The following CDH13 variants were observed in gnomAD, a reference collection of about 807,000 sequenced individuals.
The protein encoded by CDH13 is cadherin 13.
A neutral mutation model predicts 63.8 loss-of-function variants in CDH13; 24 were observed. The observed-to-expected ratio is 0.38, with a 90% CI of 0.27 to 0.53. The LOEUF is 0.53. Ranked by LOEUF, CDH13 falls within the 20% of genes least tolerant of loss-of-function variation. The probability of loss-of-function intolerance (pLI) is 0.85; values close to 1 mark genes in which losing one functional copy is unlikely to be tolerated. For synonymous variants in CDH13, 503 were observed against 355.3 expected (o/e 1.42, Z -4.67); for missense variants, 1,049 against 903.1 (o/e 1.16, Z -2.07).
chr16:82,678,062 T>C (rs1422785044), intron 1 of CDH13, among the ~76,000 whole-genome samples: 1 of 152,160 alleles, frequency 6.6e-6, no homozygotes, highest in East Asian at 1.9e-4. Context: ...ATAAAAAATA[T>C]GCATCTTCTG....
chr16:83,695,244 T>A (rs1905262658), intron 10 of CDH13, among the ~76,000 whole-genome samples: 1 of 152,174 alleles, frequency 6.6e-6, no homozygotes. Flanking sequence ...ATAAGCAAAA[T>A]ACCAGCTTTT....
intron 5 of CDH13, among the ~76,000 whole-genome samples, chr16:83,261,622 A>G (rs543875822): frequency 1.3e-5 from 2 of 152,194 alleles, no homozygotes; most frequent in African/African-American, 4.8e-5. Context: ...CAAAGAAATT[A>G]TCCAGTACAA....
At chr16:83,513,772 T>A (rs2074631382) in intron 7 of CDH13, among the ~76,000 whole-genome samples, 1 of 152,176 alleles carries the variant, frequency 6.6e-6, no homozygotes, top group Admixed American at 6.5e-5. Flanking sequence ...CAATTCAAGA[T>A]GAGATTTGGG....
In CDH13 at chr16:83,244,952, T is replaced by C. The variant is rs148177088; in HGVS notation, c.636+27455T>C. Among the ~76,000 whole-genome samples the C allele has an allele frequency of 2.3e-3, 352 of 152,154 alleles. 1 individual carries two copies. Among genetic ancestry groups the C allele is most frequent in the African/African-American group, 7.6e-3 (316 of 41,512 alleles). ...AAAACGGTGTTCAGCATAAGCCATA[T>C]CTATTTGTACGGTTTAGGCACGTTG... On this transcript the variant is annotated intron_variant, in intron 5 of 13. Coordinates refer to ENST00000567109, the MANE Select transcript of CDH13 (RefSeq NM_001257.5).
At chr16:83,656,381 G>A (rs1912869231) in intron 8 of CDH13, among the ~76,000 whole-genome samples, 1 of 152,318 alleles carries the variant, frequency 6.6e-6, no homozygotes, top group African/African-American at 2.4e-5. Flanking sequence ...ATCATGTTAA[G>A]TTTGAGGTGC....
chr16:83,302,316 A>G (rs2089768651), intron 5 of CDH13, among the ~76,000 whole-genome samples: 1 of 152,224 alleles, frequency 6.6e-6, no homozygotes, highest in South Asian at 2.1e-4. Context: ...GTAAAAGGGA[A>G]TGTAATACTG....
In CDH13 at chr16:83,510,933, C is replaced by T. The variant is rs116292348; in HGVS notation, c.960+24278C>T. Among the ~76,000 whole-genome samples the T allele has an allele frequency of 8.1e-3, 1,234 of 152,350 alleles. 23 individuals are homozygous for T. The highest frequency in any genetic ancestry group is 0.029 in the African/African-American group (1,193 of 41,592). On this transcript the variant is annotated intron_variant, in intron 7 of 13. Transcript: ENST00000567109. ...AAAATTTACCCTTGAAAACTTTAGA[C>T]TGAGAGAAGACTACCATGCCTATTC... is the stretch of plus-strand genomic sequence containing the variant.
intron 8 of CDH13, among the ~76,000 whole-genome samples, chr16:83,611,697 A>C (rs1351028257): frequency 3.9e-5 from 6 of 152,092 alleles, no homozygotes; most frequent in Non-Finnish European, 8.8e-5. Context: ...TAGTTGCATT[A>C]CATAATATGT....
At chr16:83,560,634 T>C (rs917596682) in intron 7 of CDH13, among the ~76,000 whole-genome samples, 4 of 152,196 alleles carry the variant, frequency 2.6e-5, no homozygotes, top group African/African-American at 9.7e-5. Context: ...GTAATGTTGA[T>C]GAGAAAACAA....
intron 3 of CDH13, among the ~76,000 whole-genome samples, chr16:83,103,389 G>A (rs2034605406): frequency 6.6e-6 from 1 of 151,002 alleles, no homozygotes; most frequent in Non-Finnish European, 1.5e-5. Context: ...GGGACTACAG[G>A]CACGTGCCAC....
chr16:82,683,613 CAT>C (rs1327222317), intron 1 of CDH13, among the ~76,000 whole-genome samples: 1 of 152,204 alleles, frequency 6.6e-6, no homozygotes, highest in Non-Finnish European at 1.5e-5. Context: ...AATAAGGAAT[CAT>C]GTGAGCATTC....
chr16:83,526,204 T>G (rs569500550), intron 7 of CDH13, among the ~76,000 whole-genome samples: 56 of 152,288 alleles, frequency 3.7e-4, no homozygotes, highest in African/African-American at 1.3e-3. Context: ...AGTCAGAAGT[T>G]TTGTTTTGTG....
intron 2 of CDH13, among the ~76,000 whole-genome samples, chr16:82,985,193 G>C (rs367930231): frequency 6.6e-6 from 1 of 152,276 alleles, no homozygotes; most frequent in African/African-American, 2.4e-5. Flanking sequence ...GACTTCTTCA[G>C]GATGCACAGG....
intron 5 of CDH13, among the ~76,000 whole-genome samples, chr16:83,334,312 C>T (rs1597774874): frequency 6.7e-6 from 1 of 149,962 alleles, no homozygotes. Context: ...TCTCCCCCCT[C>T]TCTCCCTATC....
chr16:83,126,635 G>T lies in CDH13; in HGVS notation c.483+1134G>T, dbSNP rs192535324. ...GTAGCTTAGGAGAAGGGACAAGGAAGTTGATCTCGAGAACAAAGAACAAGG... is the reference window on the plus strand; with the variant it reads ...GTAGCTTAGGAGAAGGGACAAGGAATTTGATCTCGAGAACAAAGAACAAGG... On this transcript the variant is annotated intron_variant, in intron 4 of 13. Transcript: ENST00000567109. 4.6e-5 allele frequency among the ~76,000 whole-genome samples: 7 copies of T among 152,268 alleles called. No individual in the cohort carries two copies. The East Asian group carries it at 1.4e-3, about 29-fold the overall frequency.
intron 2 of CDH13, among the ~76,000 whole-genome samples, chr16:82,987,616 A>G (rs138076335): frequency 1.7e-3 from 252 of 152,290 alleles, no homozygotes; most frequent in African/African-American, 5.8e-3. Flanking sequence ...ACCTCAGGTG[A>G]TCTGCCCGCT....
chr16:83,723,477 G>A (rs1438917666), intron 10 of CDH13, among the ~76,000 whole-genome samples: 1 of 152,132 alleles, frequency 6.6e-6, no homozygotes, highest in Non-Finnish European at 1.5e-5. Context: ...GGCTCCCTCT[G>A]CCTGGAATGT....
chr16:82,776,958 A>G (rs1182616121), intron 1 of CDH13, among the ~76,000 whole-genome samples: 1 of 152,164 alleles, frequency 6.6e-6, no homozygotes, highest in Non-Finnish European at 1.5e-5. Flanking sequence ...TTTCACAGAC[A>G]TCTCATTTAC....
intron 1 of CDH13, among the ~76,000 whole-genome samples, chr16:82,843,929 T>C (rs766870628): frequency 1.3e-5 from 2 of 152,236 alleles, no homozygotes; most frequent in Non-Finnish European, 2.9e-5. Context: ...CAGGTAAATA[T>C]TGCCAGGAAT....
Sources: gnomAD v4.1 joint callset for allele counts (sites outside exome capture counted in the v4.1 genomes callset) on GRCh38, gnomAD v4.1.1 for gene constraint, MANE v1.5 for transcripts, NCBI Gene and HGNC (gene_info 2026-07-23, HGNC 2026-07-21) for gene names.